Variants in CABCOCO1 observed in about 807,000 individuals in gnomAD.
CABCOCO1 encodes ciliary-associated calcium-binding coiled-coil protein 1.
A neutral mutation model predicts 35.7 loss-of-function variants in CABCOCO1; 28 were observed. The ratio of observed to expected loss-of-function variants is 0.78; its 90% CI spans 0.58 to 1.07. CABCOCO1 has a LOEUF of 1.07. CABCOCO1 is among the 50% of genes least tolerant of loss of function. The probability of loss-of-function intolerance (pLI) is 0.00; values close to 1 mark genes in which losing one functional copy is unlikely to be tolerated. For synonymous variants in CABCOCO1, 95 were observed against 100.1 expected (o/e 0.95, Z 0.30); for missense variants, 326 against 309.2 (o/e 1.05, Z -0.41).
At chr10:61,751,781 A>T (rs542470487) in intron 5 of CABCOCO1, among the ~76,000 whole-genome samples, 21 of 152,158 alleles carry the variant, frequency 1.4e-4, no homozygotes, top group Non-Finnish European at 2.8e-4. Flanking sequence ...CAACTCCCTA[A>T]TTTTACAAAC....
chr10:61,687,604 C>T (rs1314280408), intron 4 of CABCOCO1, among the ~76,000 whole-genome samples: 1 of 152,136 alleles, frequency 6.6e-6, no homozygotes. Context: ...CAGCTCTTTT[C>T]CCCTTCATCT....
At chr10:61,727,425 A>G (rs1163929021) in intron 5 of CABCOCO1, among the ~76,000 whole-genome samples, 1 of 152,188 alleles carries the variant, frequency 6.6e-6, no homozygotes, top group Non-Finnish European at 1.5e-5. Context: ...GAAAGATTTG[A>G]ATTGTTTTAA....
intron 1 of CABCOCO1, among the ~76,000 whole-genome samples, chr10:61,671,755 C>T (rs1057179539): frequency 2.6e-5 from 4 of 152,118 alleles, no homozygotes; most frequent in African/African-American, 9.7e-5. Context: ...TTCCTTCACC[C>T]TCCAGTAGAT....
At chr10:61,688,966 A>G (rs1311106941) in intron 4 of CABCOCO1, among the ~76,000 whole-genome samples, 3 of 152,206 alleles carry the variant, frequency 2.0e-5, no homozygotes, top group Admixed American at 1.3e-4. Context: ...TGACCACCGC[A>G]TACAAATCAT....
chr10:61,707,419 T>C (rs542306322), intron 5 of CABCOCO1, among the ~76,000 whole-genome samples: 1 of 152,276 alleles, frequency 6.6e-6, no homozygotes, highest in South Asian at 2.1e-4. Flanking sequence ...ATTCTGATAG[T>C]TCAGGGAGAT....
At chr10:61,762,665 T>C (rs1471765365) in intron 7 of CABCOCO1, among the ~76,000 whole-genome samples, 1 of 152,066 alleles carries the variant, frequency 6.6e-6, no homozygotes, top group South Asian at 2.1e-4. Context: ...GCACTTCCCC[T>C]GATAAATTGA....
chr10:61,746,590 C>T (rs1841666214), intron 5 of CABCOCO1, among the ~76,000 whole-genome samples: 1 of 152,110 alleles, frequency 6.6e-6, no homozygotes, highest in Non-Finnish European at 1.5e-5. Flanking sequence ...TCATATAAAT[C>T]ATCACTCTTC....
At chr10:61,749,977 T>TG (rs1439464719) in intron 5 of CABCOCO1, among the ~76,000 whole-genome samples, 10 of 151,650 alleles carry the variant, frequency 6.6e-5, no homozygotes, top group African/African-American at 2.4e-4. Context: ...CTGCTTTTTT[T>TG]TTTTTTCATC....
chr10:61,675,802 A>G (rs1337570882), intron 2 of CABCOCO1, among the ~76,000 whole-genome samples: 1 of 152,164 alleles, frequency 6.6e-6, no homozygotes, highest in African/African-American at 2.4e-5. Context: ...GGCTAAGAGT[A>G]AAACCAGTGT....
At chr10:61,747,878 A>C (rs1447227355) in intron 5 of CABCOCO1, among the ~76,000 whole-genome samples, 2 of 152,188 alleles carry the variant, frequency 1.3e-5, no homozygotes, top group Non-Finnish European at 2.9e-5. Context: ...CCCTCACATC[A>C]AGGCTGTCTT....
At chr10:61,726,694 TC>T (rs1359952558) in intron 5 of CABCOCO1, among the ~76,000 whole-genome samples, 15 of 152,000 alleles carry the variant, frequency 9.9e-5, no homozygotes, top group African/African-American at 3.6e-4. Context: ...ATTCATGGAA[TC>T]ATATATGATG....
At chr10:61,757,472 T>C (rs945036373) in intron 5 of CABCOCO1, among the ~76,000 whole-genome samples, 3 of 152,032 alleles carry the variant, frequency 2.0e-5, no homozygotes, top group Non-Finnish European at 4.4e-5. Flanking sequence ...ACTAATAGTA[T>C]GCAAAACACC....
At chr10:61,733,930 A>G (rs992292017) in intron 5 of CABCOCO1, among the ~76,000 whole-genome samples, 4 of 152,090 alleles carry the variant, frequency 2.6e-5, no homozygotes, top group African/African-American at 9.7e-5. Flanking sequence ...CATAAAGATT[A>G]TAATATTGTA....
At chr10:61,683,990 C>A (rs1839878832) in intron 3 of CABCOCO1, among the ~76,000 whole-genome samples, 1 of 152,080 alleles carries the variant, frequency 6.6e-6, no homozygotes, top group Admixed American at 6.5e-5. Context: ...CTCTGCATCT[C>A]TAATTAATAT....
intron 5 of CABCOCO1, among the ~76,000 whole-genome samples, chr10:61,756,605 A>T (rs896359568): frequency 6.6e-6 from 1 of 152,098 alleles, no homozygotes; most frequent in Non-Finnish European, 1.5e-5. Context: ...CATTCAAAGT[A>T]CTATTTAGGG....
At chr10:61,742,723 T>C (rs1173532584) in intron 5 of CABCOCO1, among the ~76,000 whole-genome samples, 4 of 152,226 alleles carry the variant, frequency 2.6e-5, no homozygotes, top group African/African-American at 4.8e-5. Context: ...TGGTAGGATG[T>C]ACTTGCATTT....
At chr10:61,702,225 G>A (rs1840477014) in intron 5 of CABCOCO1, among the ~76,000 whole-genome samples, 1 of 152,196 alleles carries the variant, frequency 6.6e-6, no homozygotes, top group Non-Finnish European at 1.5e-5. Context: ...AATTGAACTA[G>A]ATGATCTATG....
At chr10:61,721,676 T>C (rs1841025180) in intron 5 of CABCOCO1, among the ~76,000 whole-genome samples, 1 of 152,134 alleles carries the variant, frequency 6.6e-6, no homozygotes, top group Admixed American at 6.5e-5. Context: ...CTGACTTCTC[T>C]TTCCTCCCAC....
chr10:61,715,290 CT>C (rs1840834666), intron 5 of CABCOCO1, among the ~76,000 whole-genome samples: 1 of 152,036 alleles, frequency 6.6e-6, no homozygotes, highest in Admixed American at 6.6e-5. Flanking sequence ...CTCTTTTAAT[CT>C]TTGTTGGTTT....
Sources: gnomAD v4.1 joint callset for allele counts (sites outside exome capture counted in the v4.1 genomes callset) on GRCh38, gnomAD v4.1.1 for gene constraint, MANE v1.5 for transcripts, NCBI Gene and HGNC (gene_info 2026-07-23, HGNC 2026-07-21) for gene names.